Variants in UBTD1 observed in about 807,000 individuals in gnomAD.
The protein encoded by UBTD1 is ubiquitin domain-containing protein 1.
In UBTD1, 19 loss-of-function variants were observed where a neutral mutation model predicts 21.7. The ratio of observed to expected loss-of-function variants is 0.87; its 90% CI spans 0.61 to 1.28. UBTD1 has a LOEUF of 1.28. UBTD1 is among the 50% of genes most tolerant of loss of function. The pLI is 0.00. For missense variants in UBTD1, 282 were observed against 315.1 expected (o/e 0.89, Z 0.80); for synonymous variants, 116 against 135.1 (o/e 0.86, Z 0.98).
At chr10:97,535,953 A>C (rs940064557) in intron 1 of UBTD1, among the ~76,000 whole-genome samples, 2 of 125,506 alleles carry the variant, frequency 1.6e-5, no homozygotes, top group Non-Finnish European at 3.4e-5. Flanking sequence ...TATCACCTAC[A>C]TGTAGTTGGA....
chr10:97,530,007 G>T (rs1002042903), intron 1 of UBTD1, among the ~76,000 whole-genome samples: 4 of 152,114 alleles, frequency 2.6e-5, no homozygotes, highest in Non-Finnish European at 4.4e-5. Flanking sequence ...TTCCGCAGAG[G>T]GGGTGAGACC....
chr10:97,529,338 C>G (rs983283339), intron 1 of UBTD1, among the ~76,000 whole-genome samples: 1 of 152,088 alleles, frequency 6.6e-6, no homozygotes, highest in Non-Finnish European at 1.5e-5. Flanking sequence ...CAGGCAGAGA[C>G]GCTCCTCACT....
rs2040449190 is a variant in UBTD1 at position 97,517,416 on chromosome 10, C to T, written c.70+18143C>T. ...TGCTGGAGAATGGCTCCTGGGCCCACCAGCTCTGCCCCTCAGGAGCTGTGA... is the reference window on the plus strand; with the variant it reads ...TGCTGGAGAATGGCTCCTGGGCCCATCAGCTCTGCCCCTCAGGAGCTGTGA... On this transcript the variant is annotated intron_variant, in intron 1 of 2. Transcript: ENST00000370664. Among the ~76,000 whole-genome samples the T allele has an allele frequency of 2.6e-5, 4 of 152,094 alleles. 1 individual carries two copies. Among genetic ancestry groups the T allele is most frequent in the Non-Finnish European group, 5.9e-5 (4 of 67,994 alleles).
intron 1 of UBTD1, among the ~76,000 whole-genome samples, chr10:97,533,751 C>T (rs1260939506): frequency 2.0e-5 from 3 of 151,894 alleles, no homozygotes; most frequent in Admixed American, 6.6e-5. Context: ...TGGTGAAACC[C>T]GTCTCTACTA....
intron 1 of UBTD1, among the ~76,000 whole-genome samples, chr10:97,550,989 T>A (rs1181655062): frequency 6.6e-6 from 1 of 152,232 alleles, no homozygotes; most frequent in Non-Finnish European, 1.5e-5. Context: ...GACCATGTGT[T>A]GAACTGTTTG....
chr10:97,513,775 C>G (rs2040431986), intron 1 of UBTD1, among the ~76,000 whole-genome samples: 1 of 152,002 alleles, frequency 6.6e-6, no homozygotes, highest in Non-Finnish European at 1.5e-5. Flanking sequence ...TGCAGTGGAG[C>G]TATTATAGTT....
At chr10:97,566,599 C>T (rs1327831099) in intron 1 of UBTD1, among the ~76,000 whole-genome samples, 1 of 152,230 alleles carries the variant, frequency 6.6e-6, no homozygotes, top group Admixed American at 6.5e-5. Flanking sequence ...ATAATACCTA[C>T]TGCCTAAGGC....
chr10:97,558,083 G>A (rs1045448925), intron 1 of UBTD1, among the ~76,000 whole-genome samples: 23 of 151,978 alleles, frequency 1.5e-4, no homozygotes, highest in African/African-American at 5.3e-4. Context: ...AGGGCTTGTC[G>A]TCTTCTTCAG....
chr10:97,545,722 A>C (rs983667350), intron 1 of UBTD1, among the ~76,000 whole-genome samples: 1 of 152,238 alleles, frequency 6.6e-6, no homozygotes, highest in Non-Finnish European at 1.5e-5. Context: ...TTCAAGCCCA[A>C]GTCTGCCTGA....
intron 1 of UBTD1, among the ~76,000 whole-genome samples, chr10:97,531,098 A>T (rs1215227432): frequency 2.0e-5 from 3 of 152,006 alleles, no homozygotes; most frequent in Non-Finnish European, 4.4e-5. Flanking sequence ...CTTGTTAGCC[A>T]GGATGGTCTC....
intron 1 of UBTD1, among the ~76,000 whole-genome samples, chr10:97,502,582 G>C (rs1236966146): frequency 6.6e-6 from 1 of 152,140 alleles, no homozygotes; most frequent in African/African-American, 2.4e-5. Flanking sequence ...CAGAAAGGGG[G>C]AGGGTTATAC....
At chr10:97,535,481 G>A (rs894456517) in intron 1 of UBTD1, among the ~76,000 whole-genome samples, 2 of 152,154 alleles carry the variant, frequency 1.3e-5, no homozygotes, top group African/African-American at 4.8e-5. Context: ...TGGGCGTGGT[G>A]GCATGTGCCT....
intron 1 of UBTD1, among the ~76,000 whole-genome samples, chr10:97,511,795 C>T (rs2040424180): frequency 6.6e-6 from 1 of 152,202 alleles, no homozygotes; most frequent in Non-Finnish European, 1.5e-5. Context: ...TTATTAATCT[C>T]CTACCATGTG....
intron 1 of UBTD1, among the ~76,000 whole-genome samples, chr10:97,520,852 G>A (rs1429923077): frequency 6.6e-6 from 1 of 152,194 alleles, no homozygotes; most frequent in Non-Finnish European, 1.5e-5. Context: ...AAAGGAGAGA[G>A]AGGCCGTGTC....
At chr10:97,530,089 C>T (rs974763417) in intron 1 of UBTD1, among the ~76,000 whole-genome samples, 2 of 152,196 alleles carry the variant, frequency 1.3e-5, no homozygotes, top group Non-Finnish European at 2.9e-5. Flanking sequence ...CTAACAATCT[C>T]CTGACATGTC....
intron 1 of UBTD1, among the ~76,000 whole-genome samples, chr10:97,543,889 C>T (rs1387003166): frequency 6.6e-6 from 1 of 152,146 alleles, no homozygotes; most frequent in African/African-American, 2.4e-5. Flanking sequence ...GGGGCTGGTG[C>T]TCAGATGGAG....
chr10:97,539,737 T>C (rs1364136877), intron 1 of UBTD1, among the ~76,000 whole-genome samples: 1 of 152,080 alleles, frequency 6.6e-6, no homozygotes, highest in African/African-American at 2.4e-5. Flanking sequence ...GGGCTGTGTT[T>C]AGTTGGGGGT....
At chr10:97,530,223 A>AATGAATGAATGG (rs1554865460) in intron 1 of UBTD1, among the ~76,000 whole-genome samples, 5 of 152,050 alleles carry the variant, frequency 3.3e-5, no homozygotes, top group Admixed American at 2.0e-4. Flanking sequence ...TGAATGAATG[A>AATGAATGAATGG]ATGGATGGAT....
chr10:97,560,813 C>T (rs115844087), intron 1 of UBTD1, among the ~76,000 whole-genome samples: 6,867 of 152,046 alleles, frequency 0.045, 408 homozygotes, highest in African/African-American at 0.13. Context: ...CAAAACACCA[C>T]GCTTACACCA....
Sources: gnomAD v4.1 joint callset for allele counts (sites outside exome capture counted in the v4.1 genomes callset) on GRCh38, gnomAD v4.1.1 for gene constraint, MANE v1.5 for transcripts, NCBI Gene and HGNC (gene_info 2026-07-23, HGNC 2026-07-21) for gene names.